TTC28: variants seen among roughly 807,000 people sequenced by gnomAD.
The protein encoded by TTC28 is tetratricopeptide repeat domain 28.
TTC28 carries 61 observed loss-of-function variants against 198.0 expected under a neutral mutation model. The observed-to-expected ratio is 0.31, with a 90% CI of 0.25 to 0.38. The LOEUF is 0.38. Ranked by LOEUF, TTC28 falls within the 10% of genes least tolerant of loss-of-function variation. TTC28 has a pLI of 1.00. For synonymous variants in TTC28, 1,171 were observed against 1,297.8 expected (o/e 0.90, Z 2.10); for missense variants, 2,678 against 3,164.0 (o/e 0.85, Z 3.69).
chr22:28,434,804 T>G (rs1569322982), intron 2 of TTC28, among the ~76,000 whole-genome samples: 1 of 152,042 alleles, frequency 6.6e-6, no homozygotes, highest in Non-Finnish European at 1.5e-5. Flanking sequence ...GTCCAAACAA[T>G]CAGTTCCCAC....
intron 14 of TTC28, chr22:28,006,493 C>T (rs1393567126): frequency 1.3e-5 from 2 of 152,224 alleles, no homozygotes; most frequent in East Asian, 3.9e-4. Context: ...CATTCCCTTT[C>T]TCTCTGGCGT....
chr22:28,363,748 G>A (rs1205421778), intron 2 of TTC28, among the ~76,000 whole-genome samples: 1 of 152,212 alleles, frequency 6.6e-6, no homozygotes, highest in East Asian at 1.9e-4. Flanking sequence ...GAGACATGGA[G>A]TCAAAGGAGA....
At chr22:28,530,062 G>A (rs9625493) in intron 2 of TTC28, among the ~76,000 whole-genome samples, 1,700 of 152,284 alleles carry the variant, frequency 0.011, 30 homozygotes, top group African/African-American at 0.039. Context: ...GAATGACTTC[G>A]ACGGTTGAGA....
intron 5 of TTC28, among the ~76,000 whole-genome samples, chr22:28,192,837 A>G (rs1320593894): frequency 3.3e-5 from 5 of 152,208 alleles, no homozygotes; most frequent in South Asian, 2.1e-4. Context: ...AAAGTGACTG[A>G]GAGAATGCAA....
chr22:28,254,026 C>T, intron 5 of TTC28, among the ~76,000 whole-genome samples: 1 of 151,646 alleles, frequency 6.6e-6, no homozygotes, highest in Admixed American at 6.6e-5. Context: ...ATTGCTTGAA[C>T]CCAGGAGGCG....
chr22:28,323,076 C>A (rs1233533132), intron 2 of TTC28, among the ~76,000 whole-genome samples: 1 of 152,188 alleles, frequency 6.6e-6, no homozygotes, highest in Non-Finnish European at 1.5e-5. Context: ...ACATTTCTTA[C>A]AGGTTTCAGG....
At chr22:28,561,278 G>T (rs866545980) in intron 2 of TTC28, among the ~76,000 whole-genome samples, 2 of 148,570 alleles carry the variant, frequency 1.3e-5, no homozygotes, top group Non-Finnish European at 3.0e-5. Context: ...GGGTTTCACC[G>T]TGTTGGCCAG....
At chr22:28,391,982 T>G (rs2046730427) in intron 2 of TTC28, among the ~76,000 whole-genome samples, 1 of 152,170 alleles carries the variant, frequency 6.6e-6, no homozygotes, top group South Asian at 2.1e-4. Flanking sequence ...TTTATCTACT[T>G]TTGGTCTTTG....
At chr22:28,162,630 G>C (rs1921342126) in intron 6 of TTC28, among the ~76,000 whole-genome samples, 1 of 152,192 alleles carries the variant, frequency 6.6e-6, no homozygotes, top group Non-Finnish European at 1.5e-5. Flanking sequence ...GTGTGATTTA[G>C]AGAAGGCAGG....
intron 6 of TTC28, among the ~76,000 whole-genome samples, chr22:28,151,555 T>C (rs1338933707): frequency 6.6e-6 from 1 of 152,114 alleles, no homozygotes; most frequent in Non-Finnish European, 1.5e-5. Flanking sequence ...GGGTGACAAA[T>C]CTTGACCTAA....
Position 27,985,259 on chromosome 22 carries a change from C to G in TTC28, c.5805G>C (p.Leu1935=). The change falls in exon 22 of 23, where the codon CTG becomes CTC. Residue 1935 remains leucine, a synonymous_variant. Coordinates refer to ENST00000397906, the MANE Select transcript of TTC28 (RefSeq NM_001145418.2). ...AGGGCAGGCTCTTACCAAACAGAGA[C>G]AGCAGGGACTGGAGCGCGAAGTGCA... is the stretch of plus-strand genomic sequence containing the variant. ...RTVHFALQSL[L]SLFDSTELPK... 3.2e-6 allele frequency: 5 copies of G among 1,551,210 alleles called. No homozygotes were observed. Among genetic ancestry groups the G allele is most frequent in the Non-Finnish European group, 3.5e-6 (4 of 1,146,700 alleles).
chr22:28,496,647 GT>G (rs1180403940), intron 2 of TTC28, among the ~76,000 whole-genome samples: 1 of 151,942 alleles, frequency 6.6e-6, no homozygotes, highest in Non-Finnish European at 1.5e-5. Flanking sequence ...CATATCTTGT[GT>G]AAGTTCTGCC....
intron 12 of TTC28, among the ~76,000 whole-genome samples, chr22:28,059,996 A>G (rs562279160): frequency 6.7e-6 from 1 of 149,670 alleles, no homozygotes; most frequent in South Asian, 2.2e-4. Context: ...ATGTCCTTTA[A>G]TTGTACTATT....
chr22:28,389,894 G>A (rs957000241), intron 2 of TTC28, among the ~76,000 whole-genome samples: 4 of 151,792 alleles, frequency 2.6e-5, no homozygotes, highest in African/African-American at 7.3e-5. Context: ...GCTTTTGAAT[G>A]TGTTTGCTCT....
intron 2 of TTC28, among the ~76,000 whole-genome samples, chr22:28,340,238 G>A (rs569239179): frequency 6.6e-6 from 1 of 151,990 alleles, no homozygotes; most frequent in African/African-American, 2.4e-5. Context: ...TGAGGGGTTG[G>A]AGTAAGTGAC....
chr22:28,271,636 G>T (rs899382156), intron 5 of TTC28, among the ~76,000 whole-genome samples: 1 of 151,954 alleles, frequency 6.6e-6, no homozygotes, highest in Non-Finnish European at 1.5e-5. Context: ...GACGAGTCTC[G>T]CCTTGTCGCC....
At chr22:28,095,062 C>A (rs1423788277) in intron 11 of TTC28, among the ~76,000 whole-genome samples, 1 of 152,080 alleles carries the variant, frequency 6.6e-6, no homozygotes, top group African/African-American at 2.4e-5. Flanking sequence ...ATGTAACAAC[C>A]ACAGAGAGAA....
At chr22:27,995,718 G>T (rs1937539605) in intron 17 of TTC28, among the ~76,000 whole-genome samples, 1 of 152,164 alleles carries the variant, frequency 6.6e-6, no homozygotes, top group African/African-American at 2.4e-5. Flanking sequence ...TGAGAACACT[G>T]AGGCTCGGAG....
chr22:28,553,785 T>A (rs1173741892), intron 2 of TTC28, among the ~76,000 whole-genome samples: 1 of 150,954 alleles, frequency 6.6e-6, no homozygotes, highest in Non-Finnish European at 1.5e-5. Context: ...AGCCACCCCG[T>A]CCGGGAGGTG....
Sources: allele counts gnomAD v4.1 joint callset (sites outside exome capture counted in the v4.1 genomes callset), GRCh38; gene constraint gnomAD v4.1.1; transcripts MANE v1.5; gene names NCBI Gene and HGNC (gene_info 2026-07-23, HGNC 2026-07-21).